Variants in RPL31 observed in about 807,000 individuals in gnomAD.
The protein encoded by RPL31 is large ribosomal subunit protein eL31.
For synonymous variants in RPL31, 51 were observed against 55.0 expected, an observed-to-expected ratio of 0.93 and a Z score of 0.32; for missense variants, 95 against 164.0, an observed-to-expected ratio of 0.58 and a Z score of 2.30.
At chr2:101,005,856 A>AGG in intron 3 of RPL31, 103 bp from the exon 4 acceptor site, 1 of 974,332 alleles carries the variant, frequency 1.0e-6, no homozygotes, top group South Asian at 1.4e-5. Context: ...AGTAGAGCAA[A>AGG]GGACAGCATT....
At chr2:101,009,545 A>C (rs1166053325), downstream of RPL31, among the ~76,000 whole-genome samples, 1 of 152,142 alleles carries the variant, frequency 6.6e-6, no homozygotes, top group East Asian at 1.9e-4. Context: ...CTATAGAAAA[A>C]AAAAGGTTAT....
downstream of RPL31, chr2:101,008,384 C>T (rs1558962618): frequency 5.8e-6 from 5 of 867,248 alleles, no homozygotes; most frequent in South Asian, 4.1e-5. Context: ...TTTGAAGACA[C>T]AGAATATAAG....
chr2:101,004,421 C>G, intron 3 of RPL31, 138 bp downstream of exon 3: 1 of 902,258 alleles, frequency 1.1e-6, no homozygotes, highest in Non-Finnish European at 1.6e-6. Context: ...GTGACCGTGA[C>G]TTAGGGTGTG....
At chr2:101,009,220 T>C (rs1044185939), downstream of RPL31, among the ~76,000 whole-genome samples, 6 of 151,974 alleles carry the variant, frequency 3.9e-5, no homozygotes, top group African/African-American at 1.5e-4. Context: ...CTGGCTAACA[T>C]GGTGAAACCC....
chr2:101,011,048 AT>A (rs753598194), downstream of RPL31: 94 of 1,602,398 alleles, frequency 5.9e-5, no homozygotes, highest in Non-Finnish European at 6.6e-5. Flanking sequence ...GGAAAACAAT[AT>A]GTGGTTTAAT....
At chr2:101,007,759 G>GAA (rs1678837919), downstream of RPL31, 15 of 1,528,734 alleles carry the variant, frequency 9.8e-6, no homozygotes, top group Middle Eastern at 8.7e-4. Context: ...CTGACCCCAA[G>GAA]AAACAGTCTG....
At chr2:101,007,600 A>T (rs753134705), downstream of RPL31, 19 of 541,114 alleles carry the variant, frequency 3.5e-5, no homozygotes, top group African/African-American at 3.4e-4. Flanking sequence ...GTAAGTTGGC[A>T]TCAAGGGAAC....
intron 2 of RPL31, among the ~76,000 whole-genome samples, chr2:101,003,894 G>A (rs1678628489): frequency 6.6e-6 from 1 of 152,192 alleles, no homozygotes. Flanking sequence ...GCTGGGCATT[G>A]CACACTGGTG....
chr2:101,009,184 G>C (rs1187082124), downstream of RPL31, among the ~76,000 whole-genome samples: 1 of 152,128 alleles, frequency 6.6e-6, no homozygotes, highest in Non-Finnish European at 1.5e-5. Context: ...ACGAGGTCAG[G>C]AGATTGAGAC....
At chr2:101,011,451 C>T (rs1463279971), downstream of RPL31, 1 of 1,613,870 alleles carries the variant, frequency 6.2e-7, no homozygotes, top group East Asian at 2.2e-5. Context: ...AGGTACGTGC[C>T]ATTGGGTTTC....
downstream of RPL31, among the ~76,000 whole-genome samples, chr2:101,011,836 G>A (rs142750173): frequency 1.3e-4 from 20 of 152,320 alleles, no homozygotes; most frequent in East Asian, 1.5e-3. Flanking sequence ...AAAAATGTAT[G>A]TAGTGAAATC....
Position 101,019,221 on chromosome 2 carries a change from T to C in RPL31, c.*183T>C, listed in dbSNP as rs1338599300. ...ACAAGGTACTGATGTCTTCTGCCCTTGCCTCTTCGACAGGCAAGTAATAAG... is the reference window on the plus strand; with the variant it reads ...ACAAGGTACTGATGTCTTCTGCCCTCGCCTCTTCGACAGGCAAGTAATAAG... On this transcript the variant is annotated 3_prime_UTR_variant, in exon 5 of 5. Coordinates refer to the RPL31 transcript ENST00000409028. 1.2e-5 allele frequency: 7 copies of C among 602,954 alleles called. No homozygotes were observed. In the East Asian group the frequency reaches 2.0e-4, roughly 17 times the overall value. The allele number at this position is 602,954 out of a possible 1,614,324, so 37.4% of individuals were successfully genotyped here.
At chr2:101,004,468 A>G (rs995614956) in intron 3 of RPL31, 185 bp downstream of exon 3, 14 of 599,460 alleles carry the variant, frequency 2.3e-5, no homozygotes, top group Admixed American at 1.3e-4. Flanking sequence ...TTAGTGGCTT[A>G]TGAACTGAGA....
At chr2:101,004,375 G>A (rs1573834169) in intron 3 of RPL31, 92 bp downstream of exon 3, 1 of 1,382,592 alleles carries the variant, frequency 7.2e-7, no homozygotes, top group Non-Finnish European at 1.0e-6. Context: ...CAGTAATTTG[G>A]TTAATGCATG....
At chr2:101,011,400 C>T (rs375976446), downstream of RPL31, 388 of 1,574,042 alleles carry the variant, frequency 2.5e-4, 1 homozygote, top group Middle Eastern at 6.7e-4. Context: ...CGGTGCCTCC[C>T]GCCACTGCAG....
chr2:101,011,619 A>G (rs974993723), downstream of RPL31: 84 of 1,479,714 alleles, frequency 5.7e-5, no homozygotes, highest in Non-Finnish European at 7.9e-5. Flanking sequence ...TTTCTAGGCA[A>G]CTAAAGGCTA....
At chr2:101,014,709 T>C (rs891105936) in intron 4 of RPL31, among the ~76,000 whole-genome samples, 6 of 152,320 alleles carry the variant, frequency 3.9e-5, no homozygotes, top group Admixed American at 3.9e-4. Context: ...AGCAGATATC[T>C]TGACATATTG....
At chr2:101,010,969 T>G, downstream of RPL31, 1 of 1,613,158 alleles carries the variant, frequency 6.2e-7, no homozygotes, top group Non-Finnish European at 8.5e-7. Flanking sequence ...TTTATCTTTT[T>G]CTTTGGCTAA....
At chr2:101,015,851 G>C (rs1208137617) in intron 4 of RPL31, among the ~76,000 whole-genome samples, 1 of 152,028 alleles carries the variant, frequency 6.6e-6, no homozygotes, top group Non-Finnish European at 1.5e-5. Flanking sequence ...AAATGGTGTT[G>C]GGAAAACTGG....
Sources: allele counts gnomAD v4.1 joint callset (sites outside exome capture counted in the v4.1 genomes callset), GRCh38; gene constraint gnomAD v4.1.1; transcripts MANE v1.5; gene names NCBI Gene and HGNC (gene_info 2026-07-23, HGNC 2026-07-21).